The following RGPD3 variants were observed in gnomAD, a reference collection of about 807,000 sequenced individuals.
RGPD3 encodes RANBP2 like and GRIP domain containing 3, also known as ranBP2-like and GRIP domain-containing protein 3.
A neutral mutation model predicts 154.5 loss-of-function variants in RGPD3; 62 were observed. The observed-to-expected ratio is 0.40, with a 90% CI of 0.33 to 0.50. The LOEUF is 0.50. Ranked by LOEUF, RGPD3 falls within the 20% of genes least tolerant of loss-of-function variation. RGPD3 has a pLI of 0.59. For synonymous variants in RGPD3, 308 were observed against 607.0 expected, an observed-to-expected ratio of 0.51 and a Z score of 7.24; for missense variants, 919 against 1,716.8, an observed-to-expected ratio of 0.54 and a Z score of 8.21.
At position 106,414,266 on chromosome 2, in the gene RGPD3, G is replaced by T. The variant is rs1000176027; in HGVS notation, c.5065-981C>A. ...TAGCGAACTTTGTCCTCAAACCTAG[G>T]ACCATTTAAAAAAGTGACAATAAAG... is the stretch of plus-strand genomic sequence containing the variant. On this transcript the variant is annotated intron_variant, in intron 21 of 22. Transcript: ENST00000409886. Among the ~76,000 whole-genome samples, 11 of 151,996 alleles carry T rather than the reference G, an allele frequency of 7.2e-5. 1 individual carries two copies. Among genetic ancestry groups the T allele is most frequent in the African/African-American group, 2.7e-4 (11 of 41,364 alleles).
chr2:106,422,955 C>G (rs1332776539), intron 20 of RGPD3, 88 bp downstream of exon 20: 1 of 1,598,432 alleles, frequency 6.3e-7, no homozygotes, highest in African/African-American at 1.3e-5. Context: ...GTTCATATCC[C>G]AACATTAGTA....
At chr2:106,468,053 A>C (rs1193913057) in intron 1 of RGPD3, among the ~76,000 whole-genome samples, 164 bp downstream of exon 1, 1 of 145,628 alleles carries the variant, frequency 6.9e-6, no homozygotes, top group African/African-American at 2.6e-5. Context: ...TGAGCCATCG[A>C]GGCCGCCGCA....
intron 20 of RGPD3, among the ~76,000 whole-genome samples, chr2:106,418,143 CAAA>C (rs921952158): frequency 7.0e-6 from 1 of 142,546 alleles, no homozygotes; most frequent in Non-Finnish European, 1.5e-5. Context: ...AAAAAACAAA[CAAA>C]AAAAAACTTA....
intron 6 of RGPD3, among the ~76,000 whole-genome samples, chr2:106,451,565 C>A (rs1283671562): frequency 6.6e-6 from 1 of 151,184 alleles, no homozygotes; most frequent in African/African-American, 2.4e-5. Flanking sequence ...TGCTGCATTC[C>A]AATAAATATT....
At chr2:106,441,172 C>T (rs1008696226) in intron 8 of RGPD3, 121 bp downstream of exon 8, 65 of 1,431,876 alleles carry the variant, frequency 4.5e-5, no homozygotes, top group South Asian at 7.0e-5. Context: ...TTAACTGATA[C>T]GGCGAAAAGA....
upstream of RGPD3, among the ~76,000 whole-genome samples, chr2:106,469,663 C>G (rs983030432): frequency 6.6e-6 from 1 of 152,290 alleles, no homozygotes; most frequent in Non-Finnish European, 1.5e-5. Context: ...TTGGGAGCCT[C>G]GTTCCACATC....
chr2:106,468,879 A>G (rs1179139821), upstream of RGPD3, among the ~76,000 whole-genome samples: 3 of 148,424 alleles, frequency 2.0e-5, no homozygotes, highest in Non-Finnish European at 4.5e-5. Context: ...AGAGCCCAGG[A>G]AGAAAGGACA....
Position 106,424,428 on chromosome 2 carries a change from T to C in RGPD3, c.3539A>G (p.His1180Arg), listed in dbSNP as rs770692318. Residue 1180 changes from histidine (H) to arginine (R), a missense_variant, in exon 20 of 23, where the codon CAT (histidine) becomes CGT (arginine). By Grantham distance (29) the His-to-Arg change is conservative. Transcript: ENST00000409886. ...LLLDIPLQTP[H>R]KLVDTGRAAK... ...AGCTCTGCCAGTATCTACAAGTTTATGGGGAGTTTGAAGTGGTATGTCTAA... is the reference window on the plus strand; with the variant it reads ...AGCTCTGCCAGTATCTACAAGTTTACGGGGAGTTTGAAGTGGTATGTCTAA... 1.6e-5 allele frequency: 25 copies of C among 1,609,902 alleles called. No homozygotes were observed. Among genetic ancestry groups the C allele is most frequent in the African/African-American group, 2.7e-5 (2 of 74,716 alleles).
chr2:106,441,489 A>C, intron 7 of RGPD3, 109 bp from the exon 8 acceptor site: 1 of 1,000,894 alleles, frequency 1.0e-6, no homozygotes, highest in Non-Finnish European at 1.5e-6. Context: ...TGAACAGTTA[A>C]CCATTAATTA....
Position 106,403,744 on chromosome 2 carries a change from G to A in RGPD3, c.*1475C>T, listed in dbSNP as rs1558828737. 6.6e-6 allele frequency among the ~76,000 whole-genome samples: 1 copy of A among 152,260 alleles called. No individual in the cohort carries two copies. The highest frequency in any genetic ancestry group is 2.4e-5 in the African/African-American group (1 of 41,486). ...ATTCATACATTCGCTAGTTAGGTCT[G>A]TTCTTCTAAGGAGGAAAGACGAGAT... On this transcript the variant is annotated 3_prime_UTR_variant, in exon 23 of 23. Coordinates refer to ENST00000409886, the MANE Select transcript of RGPD3 (RefSeq NM_001144013.2).
In RGPD3 at chr2:106,425,335, T is replaced by C. The variant is rs576942570; in HGVS notation, c.2701-69A>G. ...AAATAGTCATGAAATACATACCTTC[T>C]TCATTCCTAAACAATTTATCAAATG... On this transcript the variant is annotated intron_variant, in intron 19 of 22. Coordinates refer to ENST00000409886, the MANE Select transcript of RGPD3 (RefSeq NM_001144013.2). 3.1e-6 allele frequency: 5 copies of C among 1,597,840 alleles called. No homozygotes were observed. The East Asian group carries it at 1.1e-4, about 36-fold the overall frequency.
chr2:106,464,879 C>T (rs1275685732), intron 1 of RGPD3, among the ~76,000 whole-genome samples: 22 of 150,004 alleles, frequency 1.5e-4, no homozygotes, highest in Middle Eastern at 6.8e-3. Context: ...GCTGCCACCA[C>T]GCCCGGCTCA....
upstream of RGPD3, among the ~76,000 whole-genome samples, chr2:106,469,838 G>A (rs1264150208): frequency 2.0e-5 from 3 of 152,052 alleles, no homozygotes; most frequent in Non-Finnish European, 2.9e-5. Context: ...AGGCTAACTG[G>A]TCTCCTTATC....
chr2:106,407,571 C>T (rs1384399165), intron 22 of RGPD3, among the ~76,000 whole-genome samples: 4 of 151,644 alleles, frequency 2.6e-5, no homozygotes, highest in Non-Finnish European at 4.4e-5. Context: ...CTGAAATGCA[C>T]TGTTGTATGT....
upstream of RGPD3, chr2:106,468,449 C>T (rs1259672619): frequency 6.4e-6 from 9 of 1,403,856 alleles, no homozygotes; most frequent in Admixed American, 4.8e-5. Context: ...GTGTGTGGAA[C>T]GTTGGCGACT....
intron 1 of RGPD3, among the ~76,000 whole-genome samples, chr2:106,466,308 C>T (rs1394884224): frequency 6.6e-6 from 1 of 151,026 alleles, no homozygotes; most frequent in African/African-American, 2.4e-5. Flanking sequence ...CGCAACAGAG[C>T]GCGCCAGGGA....
chr2:106,469,893 C>T (rs1350686648), upstream of RGPD3, among the ~76,000 whole-genome samples: 7 of 152,118 alleles, frequency 4.6e-5, no homozygotes, highest in Non-Finnish European at 7.4e-5. Context: ...TCCAAAACCT[C>T]GTAACTCCTT....
At chr2:106,414,046 T>G (rs926290253) in intron 21 of RGPD3, among the ~76,000 whole-genome samples, 1 of 152,024 alleles carries the variant, frequency 6.6e-6, no homozygotes, top group African/African-American at 2.4e-5. Context: ...ACGTCCACAG[T>G]GAACGGCACT....
rs1345839943 is a variant in RGPD3 at position 106,403,771 on chromosome 2, T to C, written c.*1448A>G. ...TCTTCTAAGGAGGAAAGACGAGATA[T>C]ATGAGATATTTTTTAAAGAACAAAC... On this transcript the variant is annotated 3_prime_UTR_variant, in exon 23 of 23. Transcript: ENST00000409886. 1.3e-5 allele frequency among the ~76,000 whole-genome samples: 2 copies of C among 152,276 alleles called. No individual in the cohort carries two copies. Among genetic ancestry groups the C allele is most frequent in the African/African-American group, 4.8e-5 (2 of 41,488 alleles).
Sources: gnomAD v4.1 joint callset for allele counts (sites outside exome capture counted in the v4.1 genomes callset) on GRCh38, gnomAD v4.1.1 for gene constraint, MANE v1.5 for transcripts, NCBI Gene and HGNC (gene_info 2026-07-23, HGNC 2026-07-21) for gene names.